Variants in BTN2A1 observed in about 807,000 individuals in gnomAD.
BTN2A1 encodes butyrophilin, subfamily 2, member A1.
BTN2A1 carries 41 observed loss-of-function variants against 34.5 expected under a neutral mutation model. The observed-to-expected ratio is 1.19, with a 90% CI of 0.93 to 1.54. BTN2A1 has a LOEUF of 1.54. Ranked by LOEUF, BTN2A1 falls within the 40% of genes most tolerant of loss-of-function variation. BTN2A1 has a pLI of 0.00. For synonymous variants in BTN2A1, 267 were observed against 258.6 expected, an observed-to-expected ratio of 1.03 and a Z score of -0.31; for missense variants, 642 against 662.0, an observed-to-expected ratio of 0.97 and a Z score of 0.33.
chr6:26,467,757 CTCTGGAGAGACAGAA>C lies in BTN2A1; in HGVS notation c.983-190_983-176del, dbSNP rs1763354330. ...CTCAAACTGAGAGAACTGCTTCTGT[CTCTGGAGAGACAGAA>C]GTGCAGCTTCAGTAATTCTCAGTGT... is the stretch of plus-strand genomic sequence containing the variant. On this transcript the variant is annotated intron_variant, in intron 7 of 7. Transcript: ENST00000312541. 5 of 1,584,508 alleles carry C rather than the reference CTCTGGAGAGACAGAA, an allele frequency of 3.2e-6. No homozygotes were observed. The East Asian group carries it at 1.1e-4, about 36-fold the overall frequency.
At chr6:26,458,431 C>G (rs975082642) in intron 1 of BTN2A1, among the ~76,000 whole-genome samples, 176 bp from the exon 2 acceptor site, 6 of 152,178 alleles carry the variant, frequency 3.9e-5, no homozygotes, top group African/African-American at 1.4e-4. Context: ...GCATTGATGG[C>G]TTACTTCATG....
chr6:26,468,309 C>T lies in BTN2A1; in HGVS notation c.1344C>T (p.Cys448=), dbSNP rs766181766. Residue 448 remains cysteine, a synonymous_variant, in exon 8 of 8, where the codon TGC becomes TGT. Transcript: ENST00000312541. ...DRILPLKESL[C]RVGVFLDYEA... ...TTCTCCCTTTGAAGGAGTCCCTTTG[C>T]CGGGTGGGCGTCTTCCTGGACTATG... 6.2e-7 allele frequency: 1 copy of T among 1,614,048 alleles called. No individual in the cohort carries two copies. The highest frequency in any genetic ancestry group is 1.3e-5 in the African/African-American group (1 of 74,916).
chr6:26,466,657 C>G (rs1216232342), intron 7 of BTN2A1, among the ~76,000 whole-genome samples: 1 of 152,196 alleles, frequency 6.6e-6, no homozygotes, highest in Non-Finnish European at 1.5e-5. Flanking sequence ...TGCCCACTCC[C>G]AGTGAGCACT....
chr6:26,459,941 T>TCCACAGGGAGATTCCACAGGG, intron 3 of BTN2A1, 113 bp downstream of exon 3: 1 of 218,372 alleles, frequency 4.6e-6, no homozygotes, highest in Non-Finnish European at 8.0e-6. Flanking sequence ...GACTCCCTTT[T>TCCACAGGGAGATTCCACAGGG]CCACTCTCCC....
In BTN2A1 at chr6:26,463,396, C is replaced by T. The variant is rs746933028; in HGVS notation, c.583C>T (p.Pro195Ser). The T allele has an allele frequency of 6.2e-7, 1 of 1,614,148 alleles. No individual in the cohort carries two copies. Among genetic ancestry groups the T allele is most frequent in the Non-Finnish European group, 8.5e-7 (1 of 1,180,030 alleles). The change falls in exon 4 of 8, where the codon CCT becomes TCT. Residue 195 changes from proline to serine, a missense_variant. Coordinates refer to ENST00000312541, the MANE Select transcript of BTN2A1 (RefSeq NM_007049.5). The stretch of plus-strand genomic sequence containing the variant: ...GCCTGCCCTGAAAGAGGTCTCCATG[C>T]CTGATGCAGACGGCCTCTTCATGGT... Reference protein sequence around the residue: ...VAPALKEVSMPDADGLFMVTT... With the variant: ...VAPALKEVSMSDADGLFMVTT...
At chr6:26,475,507 A>G (rs1358606639) in intron 7 of BTN2A1, among the ~76,000 whole-genome samples, 1 of 152,072 alleles carries the variant, frequency 6.6e-6, no homozygotes, top group African/African-American at 2.4e-5. Context: ...TCACTTAAGG[A>G]TTTTTTCCTA....
intron 2 of BTN2A1, 21 bp downstream of exon 2, chr6:26,458,739 C>G (rs1344334358): frequency 1.9e-6 from 3 of 1,610,888 alleles, no homozygotes; most frequent in South Asian, 2.2e-5. Flanking sequence ...GTGCCACTTG[C>G]TGCTGTCACC....
chr6:26,460,251 G>A (rs1482092541), intron 3 of BTN2A1, among the ~76,000 whole-genome samples: 1 of 152,076 alleles, frequency 6.6e-6, no homozygotes, highest in African/African-American at 2.4e-5. Context: ...ACTTCTGAGA[G>A]TGAGAGGAGA....
chr6:26,468,313 G>T lies in BTN2A1; in HGVS notation c.1348G>T (p.Val450Leu), dbSNP rs1395683716. 6.2e-7 allele frequency: 1 copy of T among 1,614,068 alleles called. No homozygotes were observed. The highest frequency in any genetic ancestry group is 1.3e-5 in the African/African-American group (1 of 74,924). The change falls in exon 8 of 8, where the codon GTG (valine) becomes TTG (leucine). Residue 450 changes from valine (V) to leucine (L), a missense_variant. Val to Leu is a conservative substitution (Grantham distance 32). Transcript: ENST00000312541. ...ILPLKESLCR[V>L]GVFLDYEAGD... ...CCCTTTGAAGGAGTCCCTTTGCCGG[G>T]TGGGCGTCTTCCTGGACTATGAAGC... is the stretch of plus-strand genomic sequence containing the variant.
At chr6:26,461,507 G>C (rs1292036179) in intron 3 of BTN2A1, among the ~76,000 whole-genome samples, 1 of 152,228 alleles carries the variant, frequency 6.6e-6, no homozygotes, top group Non-Finnish European at 1.5e-5. Context: ...CCTGGGCCGA[G>C]TGCAGTGATT....
At chr6:26,464,294 G>A (rs980138614) in intron 4 of BTN2A1, among the ~76,000 whole-genome samples, 1 of 152,138 alleles carries the variant, frequency 6.6e-6, no homozygotes, top group East Asian at 1.9e-4. Context: ...GAAGCATATC[G>A]TATGTTCAAA....
chr6:26,459,994 A>T (rs1366737341), intron 3 of BTN2A1, among the ~76,000 whole-genome samples, 166 bp downstream of exon 3: 1 of 152,088 alleles, frequency 6.6e-6, no homozygotes, highest in African/African-American at 2.4e-5. Flanking sequence ...CTCCTGCACA[A>T]GGGACACATG....
Position 26,468,471 on chromosome 6 carries a change from A to G in BTN2A1, c.1506A>G (p.Ala502=), listed in dbSNP as rs1450873224. The change falls in exon 8 of 8, where the codon GCA becomes GCG. Residue 502 remains alanine, a synonymous_variant. Coordinates refer to ENST00000312541, the MANE Select transcript of BTN2A1 (RefSeq NM_007049.5). The part of the protein sequence containing the change: ...CEDSPIFICP[A]LTGANGVTVP... ...ACAGCCCCATCTTCATCTGCCCTGC[A>G]CTCACAGGAGCCAATGGGGTCACGG... is the stretch of plus-strand genomic sequence containing the variant. The G allele has an allele frequency of 3.1e-6, 5 of 1,613,908 alleles. No homozygotes were observed. The highest frequency in any genetic ancestry group is 4.2e-6 in the Non-Finnish European group (5 of 1,180,006).
chr6:26,472,167 G>C (rs1336109175), downstream of BTN2A1, among the ~76,000 whole-genome samples: 2 of 152,016 alleles, frequency 1.3e-5, no homozygotes, highest in East Asian at 3.9e-4. Flanking sequence ...GGTCACAAAA[G>C]GGCTGCCCAG....
intron 4 of BTN2A1, among the ~76,000 whole-genome samples, chr6:26,464,681 A>G (rs1763260382): frequency 6.6e-6 from 1 of 152,182 alleles, no homozygotes; most frequent in Non-Finnish European, 1.5e-5. Context: ...CAGGAAGTGA[A>G]AGGAGATGAA....
At chr6:26,459,384 G>GA in intron 2 of BTN2A1, 97 bp from the exon 3 acceptor site, 1 of 1,387,352 alleles carries the variant, frequency 7.2e-7, no homozygotes, top group Non-Finnish European at 9.8e-7. Flanking sequence ...TATGGCCATG[G>GA]AAAAAATAAG....
Position 26,459,592 on chromosome 6 carries a change from G to T in BTN2A1, c.194G>T (p.Arg65Leu). 1 of 1,614,034 alleles carries T rather than the reference G, an allele frequency of 6.2e-7. No homozygotes were observed. The highest frequency in any genetic ancestry group is 1.3e-5 in the African/African-American group (1 of 75,002). ...AAAAATGCTGAGGACATGGAGGTGC[G>T]GTGGTTCCGGTCTCAGTTCTCCCCC... ...PEKNAEDMEV[R>L]WFRSQFSPAV... Residue 65 changes from arginine (R) to leucine (L), a missense_variant, in exon 3 of 8, where the codon CGG (arginine) becomes CTG (leucine). Physicochemically the swap from Arg to Leu is moderately radical, Grantham distance 102. Coordinates refer to ENST00000312541, the MANE Select transcript of BTN2A1 (RefSeq NM_007049.5).
chr6:26,473,348 C>A (rs549061466), downstream of BTN2A1, among the ~76,000 whole-genome samples: 1 of 152,072 alleles, frequency 6.6e-6, no homozygotes, highest in Admixed American at 6.5e-5. Context: ...CAGTATGGCA[C>A]AAATAAGGAG....
chr6:26,458,775 A>T lies in BTN2A1; in HGVS notation c.82+57A>T, dbSNP rs372951914. On this transcript the variant is annotated intron_variant, in intron 2 of 7. Transcript: ENST00000312541. ...TATCAGAAAGGAACATCAACCCTGT[A>T]GTCTGCAAAGGGAAAGAAAGAAGGA... 4.1e-5 allele frequency: 65 copies of T among 1,585,504 alleles called. No individual in the cohort carries two copies. The South Asian group carries it at 6.4e-4, about 16-fold the overall frequency.
Sources: allele counts gnomAD v4.1 joint callset (sites outside exome capture counted in the v4.1 genomes callset), GRCh38; gene constraint gnomAD v4.1.1; transcripts MANE v1.5; gene names NCBI Gene and HGNC (gene_info 2026-07-23, HGNC 2026-07-21).